The following GOLGA8A variants were observed in gnomAD, a reference collection of about 807,000 sequenced individuals.
GOLGA8A encodes the protein golgin subfamily A member 8A.
Under a neutral mutation model 22.1 loss-of-function variants are expected in GOLGA8A, and 3 were observed. That is an observed-to-expected ratio of 0.14 (90% CI 0.06 to 0.35). The LOEUF is 0.35. Ranked by LOEUF, GOLGA8A falls within the 10% of genes least tolerant of loss-of-function variation. The pLI, the probability that GOLGA8A is intolerant of heterozygous loss-of-function variation, is 1.00. For missense variants in GOLGA8A, 16 were observed against 233.2 expected (o/e 0.07, Z 6.07); for synonymous variants, 7 against 91.7 (o/e 0.08, Z 5.28).
chr15:34,418,899 T>G (rs113409354), intron 2 of GOLGA8A: 5,370 of 138,810 alleles, frequency 0.039, 338 homozygotes, highest in Non-Finnish European at 0.059. Flanking sequence ...CTTAGATCCA[T>G]TTCTCTTTTT....
intron 2 of GOLGA8A, among the ~76,000 whole-genome samples, chr15:34,428,209 T>TCC (rs1385144441): frequency 1.4e-5 from 2 of 147,074 alleles, no homozygotes; most frequent in Non-Finnish European, 3.0e-5. Flanking sequence ...TCCTCCCACC[T>TCC]CAGCCTCCCA....
chr15:34,380,959 G>C lies in GOLGA8A; in HGVS notation c.*452C>G, dbSNP rs751896749. 14 of 323,694 alleles carry C rather than the reference G, an allele frequency of 4.3e-5. No individual in the cohort carries two copies. The highest frequency in any genetic ancestry group is 1.4e-4 in the Admixed American group (3 of 20,882). The allele number at this position is 323,694 out of a possible 1,614,324, so 20.1% of individuals were successfully genotyped here. On this transcript the variant is annotated 3_prime_UTR_variant, in exon 25 of 25. Coordinates refer to ENST00000359187, the MANE Select transcript of GOLGA8A (RefSeq NM_181077.5). ...AAACCGCATATTGAGCTATAGAAGA[G>C]CTCACTGTGATTAAGATGAGATCAA...
intron 6 of GOLGA8A, among the ~76,000 whole-genome samples, 187 bp downstream of exon 6, chr15:34,400,525 G>C (rs1160888011): frequency 2.0e-5 from 3 of 150,814 alleles, no homozygotes; most frequent in Non-Finnish European, 3.0e-5. Context: ...ACCACGCCCA[G>C]CCAAAGGTTC....
chr15:34,423,763 T>G (rs924442613), intron 2 of GOLGA8A, among the ~76,000 whole-genome samples: 2 of 149,098 alleles, frequency 1.3e-5, no homozygotes, highest in African/African-American at 4.9e-5. Context: ...CTCAACCAGT[T>G]TGGTCCACCT....
intron 2 of GOLGA8A, among the ~76,000 whole-genome samples, chr15:34,430,541 G>C (rs1000374186): frequency 2.0e-5 from 3 of 148,944 alleles, no homozygotes; most frequent in Non-Finnish European, 3.0e-5. Context: ...GAAGTGCAGG[G>C]ACCTGTGGCC....
Position 34,425,598 on chromosome 15 carries a change from G to A in GOLGA8A, c.-1123+9785C>T, listed in dbSNP as rs1390749587. On this transcript the variant is annotated intron_variant, in intron 2 of 24. Transcript: ENST00000359187. ...AAGCAAGCTTGATAGTTTTAACAAT[G>A]TAAAATTTCCAAATTTTTACATTGC... Among the ~76,000 whole-genome samples the A allele has an allele frequency of 1.4e-5, 2 of 144,568 alleles. 1 individual carries two copies. Among genetic ancestry groups the A allele is most frequent in the Non-Finnish European group, 3.0e-5 (2 of 65,668 alleles). 94.8% of individuals were successfully genotyped at this position (144,568 alleles called of 152,430 possible). A position where few individuals can be genotyped will look rare whatever the true frequency, so the allele number is the denominator to read the frequency against.
chr15:34,428,048 T>C (rs4082583), intron 2 of GOLGA8A, among the ~76,000 whole-genome samples: 54,030 of 146,618 alleles, frequency 0.37, 12,490 homozygotes, highest in African/African-American at 0.44. Flanking sequence ...TGCTCTCCAC[T>C]CCCAACCCCC....
intron 2 of GOLGA8A, among the ~76,000 whole-genome samples, chr15:34,426,637 C>T (rs778185235): frequency 7.2e-6 from 1 of 138,666 alleles, no homozygotes; most frequent in South Asian, 2.8e-4. Flanking sequence ...TTAGGCGCCA[C>T]CCCCGTTGAT....
intron 3 of GOLGA8A, 41 bp from the exon 4 acceptor site, chr15:34,406,911 A>AT (rs1330366180): frequency 8.7e-5 from 5 of 57,440 alleles, no homozygotes; most frequent in East Asian, 1.5e-3. Context: ...TCATTTATAT[A>AT]TTTTTTTGAT....
Position 34,423,594 on chromosome 15 carries a change from C to T in GOLGA8A, c.-1123+11789G>A, listed in dbSNP as rs1220049836. On this transcript the variant is annotated intron_variant, in intron 2 of 24. Coordinates refer to ENST00000359187, the MANE Select transcript of GOLGA8A (RefSeq NM_181077.5). ...ACAGCAACTGGCAGCTCCTGCAGGG[C>T]GGACACTGCAAGGTCAACGCTAGAA... is the stretch of plus-strand genomic sequence containing the variant. Among the ~76,000 whole-genome samples the T allele has an allele frequency of 5.4e-5, 8 of 149,072 alleles. 1 individual carries two copies. Among genetic ancestry groups the T allele is most frequent in the African/African-American group, 1.5e-4 (6 of 40,450 alleles).
chr15:34,410,646 G>A (rs1273840614), intron 2 of GOLGA8A: 1 of 264,890 alleles, frequency 3.8e-6, no homozygotes, highest in African/African-American at 2.8e-5. Context: ...TAGAGCAAGG[G>A]ACCTCAGGGT....
At chr15:34,436,613 C>T (rs533646133) in intron 1 of GOLGA8A, among the ~76,000 whole-genome samples, 1 of 150,160 alleles carries the variant, frequency 6.7e-6, no homozygotes, top group Non-Finnish European at 1.5e-5. Flanking sequence ...ACCCTCCCTC[C>T]GCGTCGGCCC....
intron 8 of GOLGA8A, among the ~76,000 whole-genome samples, chr15:34,397,371 G>A (rs1279406470): frequency 3.4e-5 from 5 of 147,378 alleles, no homozygotes; most frequent in East Asian, 3.9e-4. Context: ...GCTCCTGCTC[G>A]CTCAATTTTA....
intron 2 of GOLGA8A, among the ~76,000 whole-genome samples, chr15:34,428,258 T>A (rs1450976095): frequency 1.4e-5 from 2 of 147,694 alleles, no homozygotes; most frequent in Non-Finnish European, 3.0e-5. Context: ...CACATCTGGC[T>A]AATTTTTCTA....
chr15:34,410,803 A>G (rs1254160466), intron 2 of GOLGA8A, among the ~76,000 whole-genome samples: 14 of 119,830 alleles, frequency 1.2e-4, no homozygotes, highest in African/African-American at 3.8e-4. Context: ...CAGACTCAGG[A>G]CTAAAGCCGG....
chr15:34,424,936 C>CA (rs1892921832), intron 2 of GOLGA8A, among the ~76,000 whole-genome samples: 1 of 141,468 alleles, frequency 7.1e-6, no homozygotes, highest in African/African-American at 2.7e-5. Context: ...CCCACCTCTA[C>CA]AAAAAACACA....
At position 34,400,805 on chromosome 15, in the gene GOLGA8A, C is replaced by T. The variant is rs1450255914; in HGVS notation, c.-574-46G>A. On this transcript the variant is annotated intron_variant, in intron 5 of 24. Coordinates refer to ENST00000359187, the MANE Select transcript of GOLGA8A (RefSeq NM_181077.5). ...GAAAATACTGACATTAGGGTCATATCAAGAAAGTTCAATCATAAGATATAT... is the reference window on the plus strand; with the variant it reads ...GAAAATACTGACATTAGGGTCATATTAAGAAAGTTCAATCATAAGATATAT... 29 of 144,032 alleles carry T rather than the reference C, an allele frequency of 2.0e-4. 1 individual carries two copies. The highest frequency in any genetic ancestry group is 6.9e-4 in the African/African-American group (28 of 40,604). 8.9% of individuals were successfully genotyped at this position (144,032 alleles called of 1,614,324 possible).
chr15:34,435,124 T>C (rs1438617376), intron 2 of GOLGA8A, among the ~76,000 whole-genome samples: 9 of 149,336 alleles, frequency 6.0e-5, no homozygotes, highest in Non-Finnish European at 1.2e-4. Context: ...CAGGTATGCA[T>C]GGCAGAGGAC....
At chr15:34,427,066 C>T (rs1223741241) in intron 2 of GOLGA8A, among the ~76,000 whole-genome samples, 1 of 147,790 alleles carries the variant, frequency 6.8e-6, no homozygotes, top group Non-Finnish European at 1.5e-5. Flanking sequence ...GGCACGGTGG[C>T]TCACGCCTGT....
Sources: gnomAD v4.1 joint callset for allele counts (sites outside exome capture counted in the v4.1 genomes callset) on GRCh38, gnomAD v4.1.1 for gene constraint, MANE v1.5 for transcripts, NCBI Gene and HGNC (gene_info 2026-07-23, HGNC 2026-07-21) for gene names.